Variants in DPF3 observed in about 807,000 individuals in gnomAD.
DPF3 encodes the protein double PHD fingers 3, also known as zinc finger protein DPF3.
Under a neutral mutation model 56.8 loss-of-function variants are expected in DPF3, and 18 were observed. The ratio of observed to expected loss-of-function variants is 0.32; its 90% CI spans 0.22 to 0.47. The LOEUF (loss-of-function observed/expected upper bound fraction) is 0.47. Ranked by LOEUF, DPF3 falls within the 20% of genes least tolerant of loss-of-function variation. The pLI, the probability that DPF3 is intolerant of heterozygous loss-of-function variation, is 1.00. For synonymous variants in DPF3, 188 were observed against 180.2 expected, an observed-to-expected ratio of 1.04 and a Z score of -0.35; for missense variants, 403 against 488.8, an observed-to-expected ratio of 0.82 and a Z score of 1.65.
At chr14:72,753,221 C>T (rs746335213) in intron 3 of DPF3, 43 bp downstream of exon 3, 2 of 1,589,630 alleles carry the variant, frequency 1.3e-6, no homozygotes, top group Non-Finnish European at 8.6e-7. Context: ...AGTCCTCCCA[C>T]CTTTCCCATC....
chr14:72,678,527 C>T (rs1887013459), intron 7 of DPF3, among the ~76,000 whole-genome samples: 1 of 152,214 alleles, frequency 6.6e-6, no homozygotes, highest in African/African-American at 2.4e-5. Context: ...GTAAAGCTCA[C>T]ATCATGGCTA....
In DPF3 at chr14:72,613,080, A is replaced by C. The variant is rs114175741; in HGVS notation, c.*6217T>G. On this transcript the variant is annotated 3_prime_UTR_variant, in exon 11 of 11. Transcript: ENST00000556509. ...CATGCACATGGGCATTCCTGTTCTC[A>C]TCATCAATATTCATAACATTGAAAT... is the stretch of plus-strand genomic sequence containing the variant. Among the ~76,000 whole-genome samples, 647 of 151,906 alleles carry C rather than the reference A, an allele frequency of 4.3e-3. 7 individuals carry two copies. The highest frequency in any genetic ancestry group is 0.015 in the African/African-American group (629 of 41,402).
chr14:72,729,842 G>C (rs1405706454), intron 4 of DPF3, among the ~76,000 whole-genome samples: 1 of 152,168 alleles, frequency 6.6e-6, no homozygotes, highest in Non-Finnish European at 1.5e-5. Flanking sequence ...TACCGTAAGA[G>C]TGGACAGATG....
chr14:72,674,511 T>G, intron 7 of DPF3, 143 bp from the exon 8 acceptor site: 2 of 1,233,220 alleles, frequency 1.6e-6, no homozygotes, highest in Non-Finnish European at 2.2e-6. Flanking sequence ...GGGCTACGCT[T>G]TCTTTTGGAT....
chr14:72,731,465 G>A, intron 4 of DPF3: 1 of 228,260 alleles, frequency 4.4e-6, no homozygotes, highest in Non-Finnish European at 8.8e-6. Context: ...CCTAGACAAT[G>A]GACTCTTGGT....
At chr14:72,708,922 T>A (rs1888536280) in intron 6 of DPF3, among the ~76,000 whole-genome samples, 1 of 152,098 alleles carries the variant, frequency 6.6e-6, no homozygotes, top group South Asian at 2.1e-4. Flanking sequence ...ATCAGGGCAG[T>A]CCGGAGGCCC....
chr14:72,818,339 A>AG (rs35362820), intron 1 of DPF3, among the ~76,000 whole-genome samples: 14,239 of 152,214 alleles, frequency 0.094, 821 homozygotes, highest in Admixed American at 0.18. Context: ...GAATCACAAA[A>AG]GGGAAAAATA....
In DPF3 at chr14:72,616,772, G is replaced by C. The variant is rs571791361; in HGVS notation, c.*2525C>G. ...TCCTATGATTCTATCTCATTCTCTG[G>C]GGTTCAAAAAAAAGAGACCAATTTA... is the stretch of plus-strand genomic sequence containing the variant. On this transcript the variant is annotated 3_prime_UTR_variant, in exon 11 of 11. Coordinates refer to ENST00000556509, the MANE Select transcript of DPF3 (RefSeq NM_001280542.3). 6.6e-6 allele frequency among the ~76,000 whole-genome samples: 1 copy of C among 151,744 alleles called. No individual in the cohort carries two copies. Among genetic ancestry groups the C allele is most frequent in the South Asian group, 2.1e-4 (1 of 4,788 alleles).
intron 8 of DPF3, chr14:72,670,088 T>C (rs1389179836): frequency 1.0e-6 from 1 of 985,656 alleles, no homozygotes; most frequent in African/African-American, 1.7e-5. Flanking sequence ...TAAAACAAAG[T>C]GCCTGGCAGG....
intron 3 of DPF3, among the ~76,000 whole-genome samples, chr14:72,746,752 T>C (rs1382182848): frequency 1.3e-5 from 2 of 152,236 alleles, no homozygotes; most frequent in Non-Finnish European, 2.9e-5. Flanking sequence ...CTTTCACCAC[T>C]GGAAACCTGG....
At chr14:72,634,433 G>A (rs1885329848) in intron 8 of DPF3, among the ~76,000 whole-genome samples, 1 of 152,174 alleles carries the variant, frequency 6.6e-6, no homozygotes, top group Non-Finnish European at 1.5e-5. Context: ...GAAAGTAATA[G>A]CAGCTTGTTT....
intron 7 of DPF3, among the ~76,000 whole-genome samples, chr14:72,682,217 G>GAAAAAA (rs60779626): frequency 1.8e-5 from 1 of 55,368 alleles, no homozygotes; most frequent in Non-Finnish European, 4.3e-5. Flanking sequence ...TCTGTCTCAA[G>GAAAAAA]AAAAAAAAAA....
At chr14:72,857,333 T>C (rs1389994768) in intron 1 of DPF3, among the ~76,000 whole-genome samples, 1 of 152,196 alleles carries the variant, frequency 6.6e-6, no homozygotes, top group African/African-American at 2.4e-5. Flanking sequence ...GCAAAAGTTA[T>C]AAACTTATTA....
chr14:72,880,743 C>T (rs970485526), intron 1 of DPF3, among the ~76,000 whole-genome samples: 2 of 151,986 alleles, frequency 1.3e-5, no homozygotes, highest in African/African-American at 2.4e-5. Context: ...GGGATTTTGC[C>T]CTGTTGCCCA....
At chr14:72,629,879 G>A (rs1468526669) in intron 8 of DPF3, 143 bp from the exon 9 acceptor site, 4 of 674,434 alleles carry the variant, frequency 5.9e-6, no homozygotes, top group Non-Finnish European at 1.0e-5. Context: ...GACCCAAACA[G>A]GGCCCTACCC....
chr14:72,755,132 G>A (rs931594374), intron 2 of DPF3, among the ~76,000 whole-genome samples: 1 of 152,176 alleles, frequency 6.6e-6, no homozygotes, highest in Non-Finnish European at 1.5e-5. Flanking sequence ...GGTTTCCTTC[G>A]TTCCCCAGTG....
intron 1 of DPF3, among the ~76,000 whole-genome samples, chr14:72,878,070 C>A (rs1886184996): frequency 1.3e-5 from 2 of 152,178 alleles, no homozygotes; most frequent in South Asian, 4.1e-4. Context: ...ATATTTGGCA[C>A]ACCATCAGCA....
intron 1 of DPF3, among the ~76,000 whole-genome samples, chr14:72,795,029 C>T (rs571449376): frequency 6.6e-6 from 1 of 152,114 alleles, no homozygotes; most frequent in South Asian, 2.1e-4. Flanking sequence ...AGGATAATCT[C>T]CTCATCTCAA....
intron 1 of DPF3, among the ~76,000 whole-genome samples, chr14:72,813,351 A>T (rs2140021527): frequency 1.3e-5 from 2 of 152,272 alleles, no homozygotes; most frequent in Middle Eastern, 3.4e-3. Flanking sequence ...CCCTGACAGG[A>T]TTCAATCTGG....
Sources: gnomAD v4.1 joint callset for allele counts (sites outside exome capture counted in the v4.1 genomes callset) on GRCh38, gnomAD v4.1.1 for gene constraint, MANE v1.5 for transcripts, NCBI Gene and HGNC (gene_info 2026-07-23, HGNC 2026-07-21) for gene names.